Variants in GATA4 observed in about 807,000 individuals in gnomAD.
The protein encoded by GATA4 is GATA binding protein 4, also known as transcription factor GATA-4.
In GATA4, 7 loss-of-function variants were observed where a neutral mutation model predicts 37.9. The observed-to-expected ratio is 0.18, with a 90% CI of 0.11 to 0.35. GATA4 has a LOEUF of 0.35. Among genes scored for constraint, GATA4 ranks in the 10% least tolerant of loss-of-function variants. GATA4 has a pLI of 1.00. For missense variants in GATA4, 647 were observed against 653.0 expected, an observed-to-expected ratio of 0.99 and a Z score of 0.10; for synonymous variants, 372 against 292.6, an observed-to-expected ratio of 1.27 and a Z score of -2.77.
At chr8:11,743,283 G>T (rs547707142) in intron 2 of GATA4, among the ~76,000 whole-genome samples, 1 of 152,374 alleles carries the variant, frequency 6.6e-6, no homozygotes, top group African/African-American at 2.4e-5. Flanking sequence ...TGTTCGTTAC[G>T]TCTAGCACTT....
chr8:11,759,544 A>C lies in GATA4; in HGVS notation c.*1069A>C, dbSNP rs1293239501. 2 of 152,296 alleles carry C rather than the reference A, an allele frequency of 1.3e-5. No homozygotes were observed. Among genetic ancestry groups the C allele is most frequent in the East Asian group, 3.8e-4 (2 of 5,206 alleles). 9.4% of individuals were successfully genotyped at this position (152,296 alleles called of 1,614,324 possible). A position where few individuals can be genotyped will look rare whatever the true frequency, so the allele number is the denominator to read the frequency against. On this transcript the variant is annotated 3_prime_UTR_variant, in exon 7 of 7. Coordinates refer to ENST00000532059, the MANE Select transcript of GATA4 (RefSeq NM_001308093.3). ...GGCAGAAGTCTTTTGTCCAGGAGGC[A>C]AAAAGCCAGAGATTCTGCAACACGA... is the stretch of plus-strand genomic sequence containing the variant.
At chr8:11,741,644 C>A (rs955320007) in intron 2 of GATA4, among the ~76,000 whole-genome samples, 1 of 152,174 alleles carries the variant, frequency 6.6e-6, no homozygotes, top group Non-Finnish European at 1.5e-5. Flanking sequence ...ATGGGGAAAT[C>A]TTTATGCTGT....
At chr8:11,679,388 C>A (rs1798882190) in intron 1 of GATA4, among the ~76,000 whole-genome samples, 1 of 152,204 alleles carries the variant, frequency 6.6e-6, no homozygotes, top group African/African-American at 2.4e-5. Context: ...AGGTGGAGGG[C>A]GTGCGCCGCG....
chr8:11,755,292 C>CA (rs1802500683), intron 5 of GATA4, among the ~76,000 whole-genome samples, 159 bp downstream of exon 5: 1 of 152,076 alleles, frequency 6.6e-6, no homozygotes, highest in Admixed American at 6.5e-5. Flanking sequence ...AAGAGCCCAG[C>CA]AAAAAAGTAA....
Position 11,708,950 on chromosome 8 carries a change from G to A in GATA4, c.616+22G>A, listed in dbSNP as rs1800035428. On this transcript the variant is annotated intron_variant, in intron 2 of 6. Transcript: ENST00000532059. The surrounding 1 kb of genome is among the most constrained non-coding windows in gnomAD (Gnocchi z 6.7). ...CTCGGTGAGTAGGAGCGCGAGGGCTGGGGCGCGTGAGGGCCGGGGCAGGGG... is the reference window on the plus strand; with the variant it reads ...CTCGGTGAGTAGGAGCGCGAGGGCTAGGGCGCGTGAGGGCCGGGGCAGGGG... 1 of 1,518,876 alleles carries A rather than the reference G, an allele frequency of 6.6e-7. No individual in the cohort carries two copies. Among genetic ancestry groups the A allele is most frequent in the East Asian group, 2.5e-5 (1 of 40,010 alleles). 94.1% of individuals were successfully genotyped at this position (1,518,876 alleles called of 1,614,324 possible). A position where few individuals can be genotyped will look rare whatever the true frequency, so the allele number is the denominator to read the frequency against.
At position 11,709,115 on chromosome 8, in the gene GATA4, G is replaced by T. The variant is rs1800046000; in HGVS notation, c.616+187G>T. Among the ~76,000 whole-genome samples the T allele has an allele frequency of 6.6e-6, 1 of 152,108 alleles. No individual in the cohort carries two copies. Among genetic ancestry groups the T allele is most frequent in the Admixed American group, 6.5e-5 (1 of 15,280 alleles). ...GCGACATCACAGCCCCAGAAGACCG[G>T]CTTCTGTGGAAGGGGCCGGGCCTGC... is the stretch of plus-strand genomic sequence containing the variant. On this transcript the variant is annotated intron_variant, in intron 2 of 6. Coordinates refer to ENST00000532059, the MANE Select transcript of GATA4 (RefSeq NM_001308093.3). The surrounding 1 kb of genome is among the most constrained non-coding windows in gnomAD (Gnocchi z 4.3).
chr8:11,738,634 A>G (rs1488749867), intron 2 of GATA4, among the ~76,000 whole-genome samples: 2 of 152,258 alleles, frequency 1.3e-5, no homozygotes, highest in Non-Finnish European at 2.9e-5. Context: ...ACAGAAGTAC[A>G]TCTGGAGGAT....
intron 1 of GATA4, among the ~76,000 whole-genome samples, chr8:11,678,410 A>G (rs1457306380): frequency 6.6e-6 from 1 of 152,206 alleles, no homozygotes; most frequent in Admixed American, 6.5e-5. Context: ...CACAAAACTT[A>G]CAATCATCTG....
intron 1 of GATA4, among the ~76,000 whole-genome samples, chr8:11,677,390 C>T (rs1798818768): frequency 6.6e-6 from 1 of 152,214 alleles, no homozygotes; most frequent in Admixed American, 6.5e-5. Context: ...GATTCAGCTT[C>T]CCACTCCAAC....
chr8:11,692,672 G>C lies in GATA4; in HGVS notation c.-729+12G>C, dbSNP rs531854751. The C allele has an allele frequency of 6.7e-5, 66 of 985,184 alleles. No homozygotes were observed. In the Admixed American group the frequency reaches 1.0e-3, roughly 16 times the overall value. The allele number at this position is 985,184 out of a possible 1,614,324, so 61.0% of individuals were successfully genotyped here. A position where few individuals can be genotyped will look rare whatever the true frequency, so the allele number is the denominator to read the frequency against. Reference sequence around the variant, plus strand: ...GACCTCCACCGCGGGTGCGTGCGGGGGTGCGGGGGTGAGGGGTGCGGGGCT... The same window carrying C: ...GACCTCCACCGCGGGTGCGTGCGGGCGTGCGGGGGTGAGGGGTGCGGGGCT... On this transcript the variant is annotated intron_variant, in intron 1 of 2. Coordinates refer to the GATA4 transcript ENST00000526974.
chr8:11,704,013 C>T (rs1158009072), upstream of GATA4: 2 of 152,352 alleles, frequency 1.3e-5, no homozygotes, highest in African/African-American at 4.8e-5. Context: ...AGCACTTGGG[C>T]ATTTTCCGCG....
intron 2 of GATA4, among the ~76,000 whole-genome samples, chr8:11,748,428 T>C (rs1202267329): frequency 2.0e-5 from 3 of 152,192 alleles, no homozygotes; most frequent in Admixed American, 1.3e-4. Context: ...TTACAAAGGA[T>C]ACAATAGAAC....
chr8:11,679,976 G>A (rs1798901857), intron 1 of GATA4, among the ~76,000 whole-genome samples: 1 of 152,208 alleles, frequency 6.6e-6, no homozygotes, highest in Non-Finnish European at 1.5e-5. Context: ...CCCACTCCCC[G>A]CATGATGAGA....
chr8:11,693,552 CACACACACACAG>C lies in GATA4; in HGVS notation c.-729+894_-729+905del, dbSNP rs1222063802. On this transcript the variant is annotated intron_variant, in intron 1 of 2. Coordinates refer to the GATA4 transcript ENST00000526974. ...ACACACACACACACACACACACACA[CACACACACACAG>C]AGAGAGAGAGAGAGAGAGAGAGAGA... Among the ~76,000 whole-genome samples, 1,064 of 118,204 alleles carry C rather than the reference CACACACACACAG, an allele frequency of 9.0e-3. 36 individuals carry two copies. The highest frequency in any genetic ancestry group is 0.075 in the Admixed American group (844 of 11,312). The allele number at this position is 118,204 out of a possible 152,430, so 77.5% of individuals were successfully genotyped here.
At chr8:11,747,578 T>G (rs1050437934) in intron 2 of GATA4, among the ~76,000 whole-genome samples, 10 of 152,130 alleles carry the variant, frequency 6.6e-5, no homozygotes, top group Non-Finnish European at 8.8e-5. Flanking sequence ...AAAAAATGAA[T>G]GAATGAAGCT....
chr8:11,755,711 G>T (rs926261166), intron 5 of GATA4, among the ~76,000 whole-genome samples: 2 of 152,080 alleles, frequency 1.3e-5, no homozygotes, highest in African/African-American at 4.8e-5. Flanking sequence ...ATGATTTAAC[G>T]AGGGTCATAC....
At chr8:11,699,520 A>C (rs369513417), upstream of GATA4, among the ~76,000 whole-genome samples, 3 of 152,244 alleles carry the variant, frequency 2.0e-5, no homozygotes, top group African/African-American at 7.2e-5. Flanking sequence ...CAGCTCTTTC[A>C]GGCTGCCATT....
chr8:11,692,514 C>G (rs1425839802), upstream of GATA4: 3 of 985,348 alleles, frequency 3.0e-6, no homozygotes, highest in South Asian at 9.4e-5. Context: ...GAGTAATTCC[C>G]GTGAAACTAT....
At chr8:11,743,299 G>A (rs770488020) in intron 2 of GATA4, among the ~76,000 whole-genome samples, 1 of 152,270 alleles carries the variant, frequency 6.6e-6, no homozygotes, top group African/African-American at 2.4e-5. Flanking sequence ...CACTTGGACA[G>A]GGGCGCGTAT....
Sources: allele counts gnomAD v4.1 joint callset (sites outside exome capture counted in the v4.1 genomes callset), GRCh38; gene constraint gnomAD v4.1.1; non-coding constraint Gnocchi (gnomAD v3.1); transcripts MANE v1.5; gene names NCBI Gene and HGNC (gene_info 2026-07-23, HGNC 2026-07-21).